Variants in BABAM2 observed in about 807,000 individuals in gnomAD.
The protein encoded by BABAM2 is BRISC and BRCA1-A complex member 2.
BABAM2 carries 31 observed loss-of-function variants against 54.7 expected under a neutral mutation model. The observed-to-expected ratio is 0.57, with a 90% CI of 0.43 to 0.77. The LOEUF is 0.77. BABAM2 is among the 30% of genes least tolerant of loss of function. BABAM2 has a pLI of 0.00. For missense variants in BABAM2, 364 were observed against 455.8 expected (o/e 0.80, Z 1.83); for synonymous variants, 167 against 162.9 (o/e 1.03, Z -0.19).
intron 4 of BABAM2, among the ~76,000 whole-genome samples, chr2:28,024,369 G>A (rs1024621394): frequency 1.3e-5 from 2 of 151,330 alleles, no homozygotes; most frequent in African/African-American, 4.9e-5. Context: ...TCGCACCACT[G>A]CACTCCAGCC....
At chr2:28,011,084 A>G (rs1674356932) in intron 4 of BABAM2, among the ~76,000 whole-genome samples, 1 of 152,162 alleles carries the variant, frequency 6.6e-6, no homozygotes, top group Non-Finnish European at 1.5e-5. Context: ...GGAGGTTCCC[A>G]CTCAAAACTT....
intron 7 of BABAM2, among the ~76,000 whole-genome samples, chr2:28,137,583 A>G (rs1670663099): frequency 6.6e-6 from 1 of 152,212 alleles, no homozygotes; most frequent in African/African-American, 2.4e-5. Context: ...TACAAAAAAG[A>G]ACCAGAACAG....
chr2:28,083,359 T>C (rs1665350006), intron 6 of BABAM2, among the ~76,000 whole-genome samples: 1 of 152,202 alleles, frequency 6.6e-6, no homozygotes, highest in Admixed American at 6.5e-5. Flanking sequence ...TCCACTGTGA[T>C]AGTCACTGCA....
intron 10 of BABAM2, among the ~76,000 whole-genome samples, chr2:28,273,484 C>G (rs1041071257): frequency 6.6e-6 from 1 of 152,058 alleles, no homozygotes; most frequent in Non-Finnish European, 1.5e-5. Flanking sequence ...TTTGGGAGGC[C>G]GAGGTGGGAG....
In BABAM2 at chr2:28,105,903, G is replaced by A. The variant is rs1667481007; in HGVS notation, c.571-23368G>A. On this transcript the variant is annotated intron_variant, in intron 6 of 11. Transcript: ENST00000379624. ...TATGTACCATAAAACTTGAAAGCATGTGCAATGGGTTTCTAATTTAAAATT... is the reference window on the plus strand; with the variant it reads ...TATGTACCATAAAACTTGAAAGCATATGCAATGGGTTTCTAATTTAAAATT... Among the ~76,000 whole-genome samples, 6 of 150,596 alleles carry A rather than the reference G, an allele frequency of 4.0e-5. No homozygotes were observed. The South Asian group carries it at 1.0e-3, about 26-fold the overall frequency.
rs1690822611 is a variant in BABAM2, at chr2:28,330,131, A to T, written c.1089-8319A>T. On this transcript the variant is annotated intron_variant, in intron 11 of 11. Transcript: ENST00000379624. ...GAAAAGGCCTTCAATAAAATTCAAC[A>T]TTCCTTCATGTTAAAAACTCTCAAT... 2.6e-5 allele frequency among the ~76,000 whole-genome samples: 4 copies of T among 152,348 alleles called. No individual in the cohort carries two copies. The South Asian group carries it at 8.3e-4, about 32-fold the overall frequency.
At chr2:28,111,351 T>G (rs1668009120) in intron 6 of BABAM2, among the ~76,000 whole-genome samples, 1 of 152,138 alleles carries the variant, frequency 6.6e-6, no homozygotes, top group Non-Finnish European at 1.5e-5. Context: ...TGAGGTTGTT[T>G]GGTTTTTTTG....
chr2:27,902,475 A>G (rs1205060978), intron 2 of BABAM2, among the ~76,000 whole-genome samples: 1 of 152,190 alleles, frequency 6.6e-6, no homozygotes, highest in African/African-American at 2.4e-5. Context: ...ATTTTATTAG[A>G]TATTGCCAGA....
intron 6 of BABAM2, among the ~76,000 whole-genome samples, chr2:28,088,285 G>T (rs1270338071): frequency 1.3e-5 from 2 of 152,004 alleles, no homozygotes; most frequent in African/African-American, 4.8e-5. Context: ...TCTCTTTTTA[G>T]TTTGTTTTCT....
At chr2:27,920,262 T>G (rs984820597) in intron 2 of BABAM2, among the ~76,000 whole-genome samples, 6 of 152,196 alleles carry the variant, frequency 3.9e-5, no homozygotes, top group Non-Finnish European at 5.9e-5. Flanking sequence ...GCCAGTCAGA[T>G]GGGGTATAAT....
intron 10 of BABAM2, among the ~76,000 whole-genome samples, chr2:28,248,885 G>C (rs1220382862): frequency 2.6e-5 from 4 of 151,960 alleles, no homozygotes; most frequent in Non-Finnish European, 5.9e-5. Flanking sequence ...ACTGAGTTCT[G>C]AGTTTACTAA....
At chr2:28,234,934 C>T (rs1402640487) in intron 7 of BABAM2, among the ~76,000 whole-genome samples, 8 of 152,198 alleles carry the variant, frequency 5.3e-5, no homozygotes, top group African/African-American at 7.2e-5. Flanking sequence ...CTACTCTAAG[C>T]GTAGCAAAAG....
intron 9 of BABAM2, among the ~76,000 whole-genome samples, chr2:28,242,593 A>T (rs1174058943): frequency 6.6e-6 from 1 of 152,198 alleles, no homozygotes; most frequent in Non-Finnish European, 1.5e-5. Context: ...ATATATAAAT[A>T]TATCTAGTAA....
chr2:28,156,805 G>A (rs1672580828), intron 7 of BABAM2, among the ~76,000 whole-genome samples: 1 of 152,084 alleles, frequency 6.6e-6, no homozygotes, highest in South Asian at 2.1e-4. Context: ...AAAAAAAATT[G>A]CCTTTTTCCT....
At chr2:28,016,943 G>A (rs56308772) in intron 4 of BABAM2, among the ~76,000 whole-genome samples, 4,719 of 152,154 alleles carry the variant, frequency 0.031, 105 homozygotes, top group South Asian at 0.1. Context: ...ACCTTTTTTT[G>A]TTAGCCACAT....
At chr2:28,132,062 A>G (rs1670122396) in intron 7 of BABAM2, among the ~76,000 whole-genome samples, 1 of 151,968 alleles carries the variant, frequency 6.6e-6, no homozygotes, top group Admixed American at 6.6e-5. Context: ...AGGGAAGGGT[A>G]TATTTTAAAA....
At chr2:28,196,650 C>T (rs928311821) in intron 7 of BABAM2, among the ~76,000 whole-genome samples, 6 of 152,040 alleles carry the variant, frequency 3.9e-5, no homozygotes, top group African/African-American at 1.4e-4. Context: ...TGAGACCAGC[C>T]TTGGCAACAT....
At chr2:27,982,731 T>C (rs1426095409) in intron 3 of BABAM2, among the ~76,000 whole-genome samples, 2 of 152,028 alleles carry the variant, frequency 1.3e-5, no homozygotes, top group South Asian at 2.1e-4. Flanking sequence ...GTGGAGTCAT[T>C]ATAGTATTTG....
At chr2:27,909,422 A>G (rs895669390) in intron 2 of BABAM2, among the ~76,000 whole-genome samples, 19 of 151,976 alleles carry the variant, frequency 1.3e-4, no homozygotes, top group African/African-American at 3.6e-4. Flanking sequence ...TTTTTTTGGT[A>G]TTCATTGTAT....
Sources: allele counts gnomAD v4.1 joint callset (sites outside exome capture counted in the v4.1 genomes callset), GRCh38; gene constraint gnomAD v4.1.1; transcripts MANE v1.5; gene names NCBI Gene and HGNC (gene_info 2026-07-23, HGNC 2026-07-21).